Variants in LPIN2 observed in about 807,000 individuals in gnomAD.
The protein encoded by LPIN2 is lipin 2.
Under a neutral mutation model 111.4 loss-of-function variants are expected in LPIN2, and 55 were observed. The ratio of observed to expected loss-of-function variants is 0.49; its 90% CI spans 0.40 to 0.62. The LOEUF is 0.62. Among genes scored for constraint, LPIN2 ranks in the 20% least tolerant of loss-of-function variants. The probability of loss-of-function intolerance (pLI) is 0.00; values close to 1 mark genes in which losing one functional copy is unlikely to be tolerated. For missense variants in LPIN2, 992 were observed against 1,112.1 expected, an observed-to-expected ratio of 0.89 and a Z score of 1.54; for synonymous variants, 425 against 414.0, an observed-to-expected ratio of 1.03 and a Z score of -0.32.
Position 2,925,448 on chromosome 18 carries a change from T to A in LPIN2, c.1794-80A>T. On this transcript the variant is annotated intron_variant, in intron 13 of 19. Transcript: ENST00000677752. The surrounding 1 kb of genome is among the most constrained non-coding windows in gnomAD (Gnocchi z 4.1). ...AGCTTTTCATTTAGGATCAAGAAAA[T>A]AAAGATATCCTAAATCTTTTCTAGG... The A allele has an allele frequency of 6.3e-7, 1 of 1,577,772 alleles. No homozygotes were observed. The highest frequency in any genetic ancestry group is 2.2e-5 in the East Asian group (1 of 44,704).
chr18:2,952,430 A>G (rs2077550748), intron 3 of LPIN2, among the ~76,000 whole-genome samples: 1 of 152,238 alleles, frequency 6.6e-6, no homozygotes, highest in East Asian at 1.9e-4. Context: ...TCTCAAAACA[A>G]ACAACAAAAA....
chr18:2,998,663 G>C (rs1454315491), intron 1 of LPIN2, among the ~76,000 whole-genome samples: 1 of 139,128 alleles, frequency 7.2e-6, no homozygotes, highest in African/African-American at 2.6e-5. Flanking sequence ...GTAGAGCCCA[G>C]AACAGGAAAA....
chr18:2,943,738 G>A (rs1264249795), intron 4 of LPIN2, among the ~76,000 whole-genome samples: 4 of 152,098 alleles, frequency 2.6e-5, no homozygotes, highest in Non-Finnish European at 4.4e-5. Flanking sequence ...AGATGTTTAT[G>A]TACTCCATGT....
At chr18:3,004,644 A>G (rs893565390) in intron 1 of LPIN2, among the ~76,000 whole-genome samples, 25 of 152,162 alleles carry the variant, frequency 1.6e-4, no homozygotes, top group African/African-American at 6.0e-4. Context: ...TGAAGAAGGC[A>G]CCATGTTGGA....
intron 16 of LPIN2, among the ~76,000 whole-genome samples, chr18:2,923,447 A>T (rs903856930): frequency 6.6e-6 from 1 of 150,592 alleles, no homozygotes; most frequent in Non-Finnish European, 1.5e-5. Flanking sequence ...AAAAAAAAAA[A>T]AATTTAAAAT....
intron 1 of LPIN2, among the ~76,000 whole-genome samples, chr18:3,003,405 T>C (rs1399773105): frequency 6.6e-6 from 1 of 152,160 alleles, no homozygotes; most frequent in Non-Finnish European, 1.5e-5. Flanking sequence ...ACCAACAATG[T>C]GATGGGACCT....
At chr18:2,956,311 G>GGGGGGTGTGT (rs537302837) in intron 2 of LPIN2, among the ~76,000 whole-genome samples, 1 of 143,960 alleles carries the variant, frequency 6.9e-6, no homozygotes, top group Non-Finnish European at 1.5e-5. Context: ...TAGATGCAGG[G>GGGGGGTGTGT]GTGTGTGTGT....
intron 5 of LPIN2, among the ~76,000 whole-genome samples, chr18:2,939,965 C>T (rs2077346168): frequency 6.6e-6 from 1 of 152,178 alleles, no homozygotes; most frequent in Non-Finnish European, 1.5e-5. Flanking sequence ...ACAGTTATGA[C>T]TATACTTTTT....
At chr18:2,978,802 C>T (rs1266114099) in intron 1 of LPIN2, among the ~76,000 whole-genome samples, 5 of 152,222 alleles carry the variant, frequency 3.3e-5, no homozygotes, top group African/African-American at 1.2e-4. Context: ...TGGGCATCAT[C>T]GTCCTTGGGG....
rs2077017686 is a variant in LPIN2, at chr18:2,919,432, G to A, written c.*861C>T. 2 of 152,226 alleles carry A rather than the reference G, an allele frequency of 1.3e-5. No homozygotes were observed. Among genetic ancestry groups the A allele is most frequent in the Admixed American group, 1.3e-4 (2 of 15,282 alleles). The allele number at this position is 152,226 out of a possible 1,614,324, so 9.4% of individuals were successfully genotyped here. On this transcript the variant is annotated 3_prime_UTR_variant, in exon 20 of 20. Transcript: ENST00000677752. ...AAAGGCCCACACCAGGCAGCAAGCA[G>A]AGGGATTCAGCGCTCTTCCCAGGAC...
intron 19 of LPIN2, 63 bp downstream of exon 19, chr18:2,920,715 T>G (rs1373254119): frequency 8.2e-7 from 1 of 1,223,860 alleles, no homozygotes; most frequent in South Asian, 1.2e-5. Flanking sequence ...GGACAGGGTC[T>G]GTCTGTCCCC....
chr18:2,941,950 T>C lies in LPIN2; in HGVS notation c.591-1238A>G, dbSNP rs571133082. On this transcript the variant is annotated intron_variant, in intron 4 of 19. Transcript: ENST00000677752. ...AAAACAAACAAAACTCTGCAAAGCA[T>C]AAAGCGCCATATTATACAAGTTTAA... 2.6e-5 allele frequency among the ~76,000 whole-genome samples: 4 copies of C among 152,270 alleles called. No homozygotes were observed. The South Asian group carries it at 8.3e-4, about 32-fold the overall frequency.
At chr18:2,949,936 A>G (rs186437819) in intron 4 of LPIN2, among the ~76,000 whole-genome samples, 22 of 152,108 alleles carry the variant, frequency 1.4e-4, no homozygotes, top group African/African-American at 5.3e-4. Flanking sequence ...TCAACTCTAC[A>G]GAAAATTTTT....
intron 8 of LPIN2, among the ~76,000 whole-genome samples, chr18:2,932,638 CG>C (rs2077226449): frequency 6.6e-6 from 1 of 152,200 alleles, no homozygotes; most frequent in Admixed American, 6.5e-5. Flanking sequence ...CCTCTTTCTC[CG>C]GGGCACACGG....
At chr18:2,938,107 G>A in intron 6 of LPIN2, 70 bp from the exon 7 acceptor site, 1 of 1,182,830 alleles carries the variant, frequency 8.5e-7, no homozygotes, top group Non-Finnish European at 1.2e-6. Flanking sequence ...TTCCTAAGCT[G>A]GCAATGTGTT....
At chr18:2,926,188 AG>A in intron 13 of LPIN2, among the ~76,000 whole-genome samples, 1 of 152,302 alleles carries the variant, frequency 6.6e-6, no homozygotes, top group East Asian at 1.9e-4. Context: ...GGGGGCGGTA[AG>A]GGGCAAGAAA....
chr18:2,954,537 T>A lies in LPIN2; in HGVS notation c.255A>T (p.Glu85Asp). ...CTTCAGTCTCCTCAACAAAGAAAGC[T>A]TCTCCGTTATCACCCAACTTCATGT... The part of the protein sequence containing the change: ...DLHMKLGDNG[E>D]AFFVEETEEE... Residue 85 changes from glutamate to aspartate, a missense_variant, in exon 3 of 20, where the codon GAA becomes GAT. Glu to Asp is a conservative substitution (Grantham distance 45, BLOSUM62 2). Around this residue, in one of 4 missense-constraint regions of LPIN2, gnomAD observed 67 missense variants for 112.1 expected, o/e 0.60. Coordinates refer to ENST00000677752, the MANE Select transcript of LPIN2 (RefSeq NM_001375808.2). The A allele has an allele frequency of 6.2e-7, 1 of 1,614,080 alleles. No individual in the cohort carries two copies.
rs576542182 is a variant in LPIN2 at position 2,925,060 on chromosome 18, C to T, written c.1938+164G>A. Among the ~76,000 whole-genome samples the T allele has an allele frequency of 2.2e-4, 33 of 152,274 alleles. No individual in the cohort carries two copies. Among genetic ancestry groups the T allele is most frequent in the African/African-American group, 7.9e-4 (33 of 41,536 alleles). ...CAGGTTCCCCAGGTGGGCCTGATAGCTCTTGGGGGCGGCGGTCGTGGTTCC... is the reference window on the plus strand; with the variant it reads ...CAGGTTCCCCAGGTGGGCCTGATAGTTCTTGGGGGCGGCGGTCGTGGTTCC... On this transcript the variant is annotated intron_variant, in intron 14 of 19. Transcript: ENST00000677752. The surrounding 1 kb of genome is among the most constrained non-coding windows in gnomAD (Gnocchi z 4.1).
At chr18:2,996,729 G>A (rs994859294) in intron 1 of LPIN2, among the ~76,000 whole-genome samples, 9 of 151,926 alleles carry the variant, frequency 5.9e-5, no homozygotes, top group Admixed American at 2.0e-4. Context: ...CACCCACCTC[G>A]GCCTTCCAAA....
Sources: gnomAD v4.1 joint callset for allele counts (sites outside exome capture counted in the v4.1 genomes callset) on GRCh38, gnomAD v4.1.1 for gene constraint, gnomAD v4.1.1 regional missense constraint, Gnocchi (gnomAD v3.1) non-coding constraint, MANE v1.5 for transcripts, NCBI Gene and HGNC (gene_info 2026-07-23, HGNC 2026-07-21) for gene names.